Variants in DUSP22 observed in about 807,000 individuals in gnomAD.
DUSP22 encodes the protein dual specificity phosphatase 22.
In DUSP22, 24 loss-of-function variants were observed where a neutral mutation model predicts 24.5. That is an observed-to-expected ratio of 0.98 (90% CI 0.71 to 1.38). The LOEUF is 1.38. Ranked by LOEUF, DUSP22 falls within the 40% of genes most tolerant of loss-of-function variation. DUSP22 has a pLI of 0.00. For missense variants in DUSP22, 330 were observed against 269.2 expected, an observed-to-expected ratio of 1.23 and a Z score of -1.58; for synonymous variants, 160 against 106.4, an observed-to-expected ratio of 1.50 and a Z score of -3.10.
At chr6:328,643 C>G (rs1446201308) in intron 3 of DUSP22, among the ~76,000 whole-genome samples, 1 of 152,294 alleles carries the variant, frequency 6.6e-6, no homozygotes, top group African/African-American at 2.4e-5. Flanking sequence ...GTACGGTTTC[C>G]TAAATTTAGC....
At chr6:341,160 T>C (rs1473258340) in intron 4 of DUSP22, among the ~76,000 whole-genome samples, 2 of 152,300 alleles carry the variant, frequency 1.3e-5, no homozygotes, top group Non-Finnish European at 2.9e-5. Flanking sequence ...GGGCGCTGTT[T>C]GGTGAGTTTC....
At chr6:340,609 C>T (rs536013380) in intron 4 of DUSP22, among the ~76,000 whole-genome samples, 351 of 152,282 alleles carry the variant, frequency 2.3e-3, no homozygotes, top group African/African-American at 8.0e-3. Flanking sequence ...GGATGCTTGC[C>T]TTTTTTGGAT....
At chr6:299,929 C>T (rs1223329146) in intron 1 of DUSP22, among the ~76,000 whole-genome samples, 1 of 152,304 alleles carries the variant, frequency 6.6e-6, no homozygotes, top group Non-Finnish European at 1.5e-5. Context: ...TTTCCTCTCA[C>T]CCTGTTCACA....
rs904608938 is a variant in DUSP22, at chr6:304,410, C to T, written c.22-218C>T. ...GGGCTGCAAATGAGGATGACGGGGT[C>T]GAAGCCGGGCCCTAAACCCAGCGAG... On this transcript the variant is annotated intron_variant, in intron 1 of 6. Transcript: ENST00000419235. 1.1e-4 allele frequency among the ~76,000 whole-genome samples: 17 copies of T among 152,300 alleles called. No individual in the cohort carries two copies. In the South Asian group the frequency reaches 2.3e-3, roughly 20 times the overall value.
intron 2 of DUSP22, among the ~76,000 whole-genome samples, chr6:310,846 GATGTAATCC>G (rs1256172773): frequency 6.6e-6 from 1 of 152,302 alleles, no homozygotes; most frequent in Non-Finnish European, 1.5e-5. Context: ...CCTTCTTGAT[GATGTAATCC>G]ATGTAATCCA....
intron 5 of DUSP22, among the ~76,000 whole-genome samples, chr6:346,587 G>T (rs1759889399): frequency 6.6e-6 from 1 of 152,308 alleles, no homozygotes; most frequent in African/African-American, 2.4e-5. Flanking sequence ...TCGTAATCAT[G>T]CTAATAACAT....
At chr6:307,341 C>T (rs570486501) in intron 2 of DUSP22, among the ~76,000 whole-genome samples, 1 of 152,288 alleles carries the variant, frequency 6.6e-6, no homozygotes, top group Non-Finnish European at 1.5e-5. Context: ...TCCCTCCCTT[C>T]CTTCTCCTCT....
At chr6:293,627 T>C (rs918561816) in intron 1 of DUSP22, among the ~76,000 whole-genome samples, 3 of 152,284 alleles carry the variant, frequency 2.0e-5, no homozygotes, top group African/African-American at 7.2e-5. Flanking sequence ...GTGTTGGGGC[T>C]GGAGTGTTGC....
chr6:306,504 C>T (rs1189777262), intron 2 of DUSP22, among the ~76,000 whole-genome samples: 1 of 152,304 alleles, frequency 6.6e-6, no homozygotes, highest in Non-Finnish European at 1.5e-5. Context: ...GTAAACAGCC[C>T]ACCACCTCTC....
chr6:333,556 G>A (rs575643919), intron 3 of DUSP22, among the ~76,000 whole-genome samples: 35 of 152,398 alleles, frequency 2.3e-4, no homozygotes, highest in Non-Finnish European at 4.1e-4. Context: ...GTTAGTTGCA[G>A]TGAACAGATC....
intron 4 of DUSP22, among the ~76,000 whole-genome samples, chr6:345,287 G>A (rs1452912674): frequency 1.4e-5 from 2 of 147,720 alleles, no homozygotes; most frequent in African/African-American, 5.0e-5. Flanking sequence ...TTGGCTCACT[G>A]TAATCTCTGC....
intron 3 of DUSP22, among the ~76,000 whole-genome samples, chr6:327,391 C>T (rs958237780): frequency 4.7e-4 from 71 of 152,404 alleles, no homozygotes; most frequent in Non-Finnish European, 4.6e-4. Context: ...CTGCAGGTGC[C>T]GTGGCCAGCC....
chr6:316,149 G>A (rs1296414853), intron 3 of DUSP22, among the ~76,000 whole-genome samples: 3 of 152,302 alleles, frequency 2.0e-5, no homozygotes, highest in Non-Finnish European at 2.9e-5. Context: ...GTGTTATTTA[G>A]TGCCTCTATG....
chr6:308,337 C>T (rs895450508), intron 2 of DUSP22, among the ~76,000 whole-genome samples: 4 of 152,296 alleles, frequency 2.6e-5, no homozygotes, highest in African/African-American at 9.6e-5. Context: ...CCTCGCTGCT[C>T]ATGATTGTAG....
At chr6:341,284 C>T (rs977410699) in intron 4 of DUSP22, among the ~76,000 whole-genome samples, 65 of 152,278 alleles carry the variant, frequency 4.3e-4, no homozygotes, top group African/African-American at 7.0e-4. Context: ...GCCGATGAAA[C>T]GGAGAGCAGG....
At chr6:329,443 G>T (rs1405409211) in intron 3 of DUSP22, among the ~76,000 whole-genome samples, 2 of 152,424 alleles carry the variant, frequency 1.3e-5, no homozygotes, top group African/African-American at 4.8e-5. Flanking sequence ...CGCCTTAAAT[G>T]GTTACGATGG....
chr6:293,872 A>G (rs1358851349), intron 1 of DUSP22, among the ~76,000 whole-genome samples: 2 of 129,340 alleles, frequency 1.5e-5, no homozygotes, highest in Admixed American at 9.9e-5. Context: ...AAATACTTGT[A>G]TTATATTCCG....
intron 4 of DUSP22, among the ~76,000 whole-genome samples, chr6:339,798 C>T (rs1009771665): frequency 1.3e-5 from 2 of 152,310 alleles, no homozygotes; most frequent in Non-Finnish European, 2.9e-5. Flanking sequence ...CTTTAACTGA[C>T]ACCTTCTGTA....
At chr6:292,852 C>G (rs1481532571) in intron 1 of DUSP22, among the ~76,000 whole-genome samples, 1 of 152,394 alleles carries the variant, frequency 6.6e-6, no homozygotes, top group South Asian at 2.1e-4. Context: ...GACACTTGTT[C>G]TGCCGAGAGG....
Sources: gnomAD v4.1 joint callset for allele counts (sites outside exome capture counted in the v4.1 genomes callset) on GRCh38, gnomAD v4.1.1 for gene constraint, MANE v1.5 for transcripts, NCBI Gene and HGNC (gene_info 2026-07-23, HGNC 2026-07-21) for gene names.